PPP1R9A: variants seen among roughly 807,000 people sequenced by gnomAD.
PPP1R9A encodes neurabin-1.
In PPP1R9A, 59 loss-of-function variants were observed where a neutral mutation model predicts 141.9. The ratio of observed to expected loss-of-function variants is 0.42; its 90% CI spans 0.34 to 0.52. The LOEUF is 0.52. Among genes scored for constraint, PPP1R9A ranks in the 20% least tolerant of loss-of-function variants. The pLI is 0.10. For missense variants in PPP1R9A, 1,444 were observed against 1,611.9 expected (o/e 0.90, Z 1.78); for synonymous variants, 500 against 569.7 (o/e 0.88, Z 1.74).
chr7:95,261,232 T>A (rs142763651), intron 12 of PPP1R9A, among the ~76,000 whole-genome samples: 18 of 152,326 alleles, frequency 1.2e-4, no homozygotes, highest in African/African-American at 4.1e-4. Context: ...TTGAAGCATC[T>A]GTAAAGTTAA....
intron 2 of PPP1R9A, among the ~76,000 whole-genome samples, chr7:95,094,692 T>C (rs566864013): frequency 6.6e-6 from 1 of 151,654 alleles, no homozygotes; most frequent in Non-Finnish European, 1.5e-5. Flanking sequence ...CCAGCCTGGC[T>C]AACATGGTGA....
At chr7:95,058,330 T>C (rs1811766645) in intron 2 of PPP1R9A, among the ~76,000 whole-genome samples, 1 of 152,164 alleles carries the variant, frequency 6.6e-6, no homozygotes, top group African/African-American at 2.4e-5. Flanking sequence ...CAATATGTTT[T>C]TCCTGGAAAA....
intron 14 of PPP1R9A, 59 bp from the exon 15 acceptor site, chr7:95,273,840 T>C (rs1281058316): frequency 7.1e-7 from 1 of 1,400,572 alleles, no homozygotes; most frequent in Non-Finnish European, 9.7e-7. Context: ...CATTGACTTT[T>C]GAATTGTGAC....
intron 2 of PPP1R9A, among the ~76,000 whole-genome samples, chr7:94,952,902 T>C (rs886444328): frequency 6.6e-6 from 1 of 152,218 alleles, no homozygotes; most frequent in Non-Finnish European, 1.5e-5. Context: ...TCCCATTCTG[T>C]AGGTTGCCTG....
intron 9 of PPP1R9A, among the ~76,000 whole-genome samples, chr7:95,248,519 G>A (rs1798451596): frequency 1.3e-5 from 2 of 152,094 alleles, no homozygotes; most frequent in Admixed American, 1.3e-4. Context: ...TAAACAACTT[G>A]ATACAAAACA....
rs1275370036 is a variant in PPP1R9A at position 95,111,396 on chromosome 7, G to A, written c.1528+5G>A. The A allele has an allele frequency of 2.5e-6, 4 of 1,612,588 alleles. No homozygotes were observed. The highest frequency in any genetic ancestry group is 1.7e-4 in the Middle Eastern group (1 of 6,060). ...TCCCAGTGGAGCTAGAGAAAGGTTCGTGAGTGCTACAGTGTTAATATCATT... is the reference window on the plus strand; with the variant it reads ...TCCCAGTGGAGCTAGAGAAAGGTTCATGAGTGCTACAGTGTTAATATCATT... On this transcript the variant is annotated splice_donor_5th_base_variant and intron_variant, in intron 3 of 19. Transcript: ENST00000433360.
In PPP1R9A at chr7:95,290,608, T is replaced by G; in HGVS notation, c.*305T>G. On this transcript the variant is annotated 3_prime_UTR_variant, in exon 20 of 20. Transcript: ENST00000433360. Reference sequence around the variant, plus strand: ...TGTTGTGTTGGGTGTGTTTTGTCACTTGGAGAACTAGTGTGACCCCACCCA... The same window carrying G: ...TGTTGTGTTGGGTGTGTTTTGTCACGTGGAGAACTAGTGTGACCCCACCCA... 1 of 319,058 alleles carries G rather than the reference T, an allele frequency of 3.1e-6. No homozygotes were observed. Among genetic ancestry groups the G allele is most frequent in the Non-Finnish European group, 5.9e-6 (1 of 168,094 alleles). 19.8% of individuals were successfully genotyped at this position (319,058 alleles called of 1,614,324 possible). A position where few individuals can be genotyped will look rare whatever the true frequency, so the allele number is the denominator to read the frequency against.
At chr7:95,110,994 AT>A (rs1820452530) in intron 2 of PPP1R9A, among the ~76,000 whole-genome samples, 1 of 152,198 alleles carries the variant, frequency 6.6e-6, no homozygotes, top group Non-Finnish European at 1.5e-5. Flanking sequence ...AAGGCGATAA[AT>A]ATTGCTATTC....
intron 3 of PPP1R9A, among the ~76,000 whole-genome samples, chr7:95,112,510 A>G (rs1820745181): frequency 6.6e-6 from 1 of 152,016 alleles, no homozygotes; most frequent in Non-Finnish European, 1.5e-5. Flanking sequence ...AGATTTCTCA[A>G]ATAATTGAAC....
chr7:95,011,333 A>C (rs1008056281), intron 2 of PPP1R9A, among the ~76,000 whole-genome samples: 1 of 152,168 alleles, frequency 6.6e-6, no homozygotes, highest in Non-Finnish European at 1.5e-5. Flanking sequence ...TCTTTTTATA[A>C]GGGAATCTTG....
intron 4 of PPP1R9A, among the ~76,000 whole-genome samples, chr7:95,130,112 C>T (rs1369851202): frequency 6.6e-6 from 1 of 152,120 alleles, no homozygotes; most frequent in Non-Finnish European, 1.5e-5. Flanking sequence ...CAGGGCATAT[C>T]AGAGGTCTTC....
intron 4 of PPP1R9A, among the ~76,000 whole-genome samples, chr7:95,123,672 T>C (rs1191189803): frequency 6.6e-6 from 1 of 151,826 alleles, no homozygotes; most frequent in Non-Finnish European, 1.5e-5. Flanking sequence ...AAAAAAAAAC[T>C]TCATGTGATG....
chr7:94,955,425 T>A (rs1332121635), intron 2 of PPP1R9A, among the ~76,000 whole-genome samples: 3 of 152,160 alleles, frequency 2.0e-5, no homozygotes, highest in African/African-American at 7.2e-5. Context: ...TGTAGGAGAT[T>A]CAGAATCTTT....
Position 94,979,153 on chromosome 7 carries a change from T to A in PPP1R9A, c.1395+67645T>A, listed in dbSNP as rs1367344944. On this transcript the variant is annotated intron_variant, in intron 2 of 19. Coordinates refer to ENST00000433360, the MANE Select transcript of PPP1R9A (RefSeq NM_001166160.2). ...TTGTTTAGATCAAGTTTATGGTGCTTTCTGGGCAAATTCTGAAGGGAGAGA... is the reference window on the plus strand; with the variant it reads ...TTGTTTAGATCAAGTTTATGGTGCTATCTGGGCAAATTCTGAAGGGAGAGA... Among the ~76,000 whole-genome samples, 4 of 152,210 alleles carry A rather than the reference T, an allele frequency of 2.6e-5. No individual in the cohort carries two copies. In the East Asian group the frequency reaches 7.7e-4, roughly 29 times the overall value.
Position 95,250,054 on chromosome 7 carries a change from G to T in PPP1R9A, c.2195G>T (p.Arg732Met). The change falls in exon 10 of 20, where the codon AGG (arginine) becomes ATG (methionine). Residue 732 changes from arginine (R) to methionine (M), a missense_variant. By Grantham distance (91) the Arg-to-Met change is moderately conservative. Coordinates refer to ENST00000433360, the MANE Select transcript of PPP1R9A (RefSeq NM_001166160.2). Reference protein sequence around the residue: ...KLQAAENEKVRWELEKTQLQQ... With the variant: ...KLQAAENEKVMWELEKTQLQQ... Reference sequence around the variant, plus strand: ...CAGGCAGCAGAAAATGAGAAAGTGAGGTGGGAACTAGAAAAAACCCAACTC... The same window carrying T: ...CAGGCAGCAGAAAATGAGAAAGTGATGTGGGAACTAGAAAAAACCCAACTC... 1 of 1,609,976 alleles carries T rather than the reference G, an allele frequency of 6.2e-7. No homozygotes were observed. Among genetic ancestry groups the T allele is most frequent in the Non-Finnish European group, 8.5e-7 (1 of 1,178,692 alleles).
intron 7 of PPP1R9A, among the ~76,000 whole-genome samples, chr7:95,219,537 T>G (rs1015233130): frequency 6.6e-6 from 1 of 152,152 alleles, no homozygotes; most frequent in Non-Finnish European, 1.5e-5. Context: ...TTGGGGAAGT[T>G]TTCCTGGATA....
At chr7:95,154,148 T>G (rs1000540783) in intron 4 of PPP1R9A, among the ~76,000 whole-genome samples, 1 of 152,010 alleles carries the variant, frequency 6.6e-6, no homozygotes, top group Admixed American at 6.6e-5. Context: ...TATGTAGAGT[T>G]TATGGGTATC....
rs543210054 is a variant in PPP1R9A at position 95,286,107 on chromosome 7, T to C, written c.3610-99T>C. Reference sequence around the variant, plus strand: ...CACCAAATCATACATGAATTTCTGCTAAGATTGTTTAAAAGAGCCCTTTTA... The same window carrying C: ...CACCAAATCATACATGAATTTCTGCCAAGATTGTTTAAAAGAGCCCTTTTA... On this transcript the variant is annotated intron_variant, in intron 17 of 19. Transcript: ENST00000433360. The C allele has an allele frequency of 8.0e-6, 12 of 1,506,960 alleles. No homozygotes were observed. In the African/African-American group the frequency reaches 1.2e-4, roughly 16 times the overall value. 93.3% of individuals were successfully genotyped at this position (1,506,960 alleles called of 1,614,324 possible).
At chr7:95,203,783 TA>T in intron 7 of PPP1R9A, 53 bp downstream of exon 7, 1 of 1,263,868 alleles carries the variant, frequency 7.9e-7, no homozygotes, top group Non-Finnish European at 1.1e-6. Context: ...GCTTCATATG[TA>T]AAATTAAATA....
Sources: gnomAD v4.1 joint callset for allele counts (sites outside exome capture counted in the v4.1 genomes callset) on GRCh38, gnomAD v4.1.1 for gene constraint, MANE v1.5 for transcripts, NCBI Gene and HGNC (gene_info 2026-07-23, HGNC 2026-07-21) for gene names.